Variants in PCDH15 observed in about 807,000 individuals in gnomAD.
The protein encoded by PCDH15 is protocadherin related 15, also known as protocadherin-15.
A neutral mutation model predicts 178.5 loss-of-function variants in PCDH15; 129 were observed. The ratio of observed to expected loss-of-function variants is 0.72; its 90% confidence interval spans 0.63 to 0.84. The LOEUF is 0.84. PCDH15 is among the 40% of genes least tolerant of loss of function. The pLI, the probability that PCDH15 is intolerant of heterozygous loss-of-function variation, is 0.00. For synonymous variants in PCDH15, 800 were observed against 732.0 expected, an observed-to-expected ratio of 1.09 and a Z score of -1.50; for missense variants, 2,230 against 2,099.9, an observed-to-expected ratio of 1.06 and a Z score of -1.21.
chr10:55,003,287 T>C (rs778226763), intron 2 of PCDH15, among the ~76,000 whole-genome samples: 2 of 152,178 alleles, frequency 1.3e-5, no homozygotes. Flanking sequence ...CAGTTTTCTG[T>C]TAATGTTTGA....
At chr10:55,098,790 T>G (rs1842505096) in intron 2 of PCDH15, among the ~76,000 whole-genome samples, 1 of 151,882 alleles carries the variant, frequency 6.6e-6, no homozygotes, top group African/African-American at 2.4e-5. Context: ...GGTGGGCTGG[T>G]TTTTCACTTT....
At chr10:55,177,338 G>T (rs1476337171) in intron 1 of PCDH15, among the ~76,000 whole-genome samples, 1 of 152,142 alleles carries the variant, frequency 6.6e-6, no homozygotes, top group Admixed American at 6.6e-5. Flanking sequence ...TTGACCAATT[G>T]AAACAAGCCT....
At chr10:55,366,083 G>C (rs1170675370) in intron 2 of PCDH15, 1 of 152,068 alleles carries the variant, frequency 6.6e-6, no homozygotes, top group Non-Finnish European at 1.5e-5. Flanking sequence ...TTAAATACTT[G>C]TTTCTTACCC....
At chr10:53,837,722 T>C (rs2077387667) in intron 29 of PCDH15, among the ~76,000 whole-genome samples, 1 of 151,658 alleles carries the variant, frequency 6.6e-6, no homozygotes, top group Non-Finnish European at 1.5e-5. Context: ...ATACCAATAC[T>C]TGGGCACTGG....
intron 2 of PCDH15, among the ~76,000 whole-genome samples, chr10:54,965,998 A>G (rs906256607): frequency 6.6e-6 from 1 of 150,944 alleles, no homozygotes; most frequent in African/African-American, 2.4e-5. Flanking sequence ...TTAGATATTC[A>G]TTTATTGTAC....
intron 3 of PCDH15, among the ~76,000 whole-genome samples, chr10:54,441,233 C>A (rs77026057): frequency 0.018 from 2,696 of 151,946 alleles, 94 homozygotes; most frequent in African/African-American, 0.062. Context: ...CAGCAGTGCA[C>A]AGAATACTTT....
chr10:53,948,332 TGAGACC>T (rs1468003794), intron 23 of PCDH15, among the ~76,000 whole-genome samples: 2 of 152,172 alleles, frequency 1.3e-5, no homozygotes, highest in African/African-American at 4.8e-5. Flanking sequence ...TTTTTTTTAG[TGAGACC>T]GAGTGTACAG....
At chr10:54,810,907 C>G (rs1354695528) in intron 3 of PCDH15, among the ~76,000 whole-genome samples, 2 of 151,966 alleles carry the variant, frequency 1.3e-5, no homozygotes, top group East Asian at 3.9e-4. Context: ...TTCTTTTAAA[C>G]ATAATGGTAA....
chr10:54,241,436 T>G (rs2131894423), intron 8 of PCDH15, among the ~76,000 whole-genome samples: 1 of 152,320 alleles, frequency 6.6e-6, no homozygotes, highest in Admixed American at 6.5e-5. Flanking sequence ...GCCAAAAGCT[T>G]TATTGGTCTG....
At chr10:54,214,983 A>G (rs1313500602) in intron 9 of PCDH15, among the ~76,000 whole-genome samples, 1 of 152,202 alleles carries the variant, frequency 6.6e-6, no homozygotes, top group Non-Finnish European at 1.5e-5. Flanking sequence ...TGTGTACTGC[A>G]ACATTCTTTT....
At chr10:53,965,958 T>C (rs972744730) in intron 21 of PCDH15, among the ~76,000 whole-genome samples, 1 of 151,862 alleles carries the variant, frequency 6.6e-6, no homozygotes, top group Non-Finnish European at 1.5e-5. Flanking sequence ...CTCAGATGCC[T>C]AAAATAGTTT....
chr10:54,388,636 A>G (rs1197969060), intron 3 of PCDH15, among the ~76,000 whole-genome samples: 1 of 152,192 alleles, frequency 6.6e-6, no homozygotes, highest in African/African-American at 2.4e-5. Context: ...AATGGTAGGC[A>G]TTGTAGTAAC....
chr10:54,210,357 A>C (rs775260848), intron 10 of PCDH15, among the ~76,000 whole-genome samples: 20 of 152,090 alleles, frequency 1.3e-4, no homozygotes, highest in Admixed American at 2.0e-4. Flanking sequence ...AATTACAACA[A>C]ATGTTTATTA....
intron 2 of PCDH15, among the ~76,000 whole-genome samples, chr10:54,914,844 A>G (rs1429630169): frequency 6.6e-6 from 1 of 152,154 alleles, no homozygotes; most frequent in Non-Finnish European, 1.5e-5. Flanking sequence ...CATTCATATT[A>G]TTTGCTCACA....
intron 2 of PCDH15, among the ~76,000 whole-genome samples, chr10:55,480,195 A>G (rs180727263): frequency 6.6e-6 from 1 of 151,542 alleles, no homozygotes; most frequent in African/African-American, 2.4e-5. Flanking sequence ...TTGCAGTTCT[A>G]CTTGTAGAAC....
intron 2 of PCDH15, among the ~76,000 whole-genome samples, chr10:54,655,308 G>GAGAGAGAGAC (rs2094373639): frequency 8.5e-5 from 11 of 128,790 alleles, no homozygotes; most frequent in African/African-American, 2.6e-4. Context: ...GAGAGACAGA[G>GAGAGAGAGAC]AGAGAGACAG....
In PCDH15 at chr10:54,499,718, G is replaced by T. The variant is rs113625002; in HGVS notation, c.157+28094C>A. On this transcript the variant is annotated intron_variant, in intron 3 of 37. Coordinates refer to ENST00000644397, the MANE Select transcript of PCDH15 (RefSeq NM_001384140.1). ...TAGGACTACATGCATCAATCAATAA[G>T]TTAGAAAGATCTCAAATTAACTATC... Among the ~76,000 whole-genome samples the T allele has an allele frequency of 3.3e-3, 508 of 152,160 alleles. 2 individuals are homozygous for T. The highest frequency in any genetic ancestry group is 0.012 in the African/African-American group (486 of 41,532).
chr10:55,487,596 C>A (rs1213723861), intron 2 of PCDH15, among the ~76,000 whole-genome samples: 1 of 151,600 alleles, frequency 6.6e-6, no homozygotes, highest in Non-Finnish European at 1.5e-5. Flanking sequence ...TATACTCTGA[C>A]AATAGCCTGC....
chr10:55,240,009 A>G (rs73267509), intron 1 of PCDH15, among the ~76,000 whole-genome samples: 2,530 of 152,286 alleles, frequency 0.017, 76 homozygotes, highest in African/African-American at 0.056. Context: ...CCTAGTAAAA[A>G]TAGCTTTTAT....
Sources: gnomAD v4.1 joint callset for allele counts (sites outside exome capture counted in the v4.1 genomes callset) on GRCh38, gnomAD v4.1.1 for gene constraint, MANE v1.5 for transcripts, NCBI Gene and HGNC (gene_info 2026-07-23, HGNC 2026-07-21) for gene names.